Variants in JAKMIP1 observed in about 807,000 individuals in gnomAD.
The protein encoded by JAKMIP1 is janus kinase and microtubule interacting protein 1.
In JAKMIP1, 33 loss-of-function variants were observed where a neutral mutation model predicts 113.0. The ratio of observed to expected loss-of-function variants is 0.29; its 90% confidence interval spans 0.22 to 0.39. The LOEUF (loss-of-function observed/expected upper bound fraction) is 0.39. JAKMIP1 is among the 10% of genes least tolerant of loss of function. The pLI is 1.00. For synonymous variants in JAKMIP1, 480 were observed against 459.9 expected, an observed-to-expected ratio of 1.04 and a Z score of -0.56; for missense variants, 813 against 1,080.5, an observed-to-expected ratio of 0.75 and a Z score of 3.47.
chr4:6,131,231 A>G (rs1718476781), intron 1 of JAKMIP1, among the ~76,000 whole-genome samples: 1 of 151,614 alleles, frequency 6.6e-6, no homozygotes, highest in Non-Finnish European at 1.5e-5. Flanking sequence ...TAAAAAAAAG[A>G]ATAACAGGAT....
Position 6,183,485 on chromosome 4 carries a change from T to TAAATAAATAAATAAATAAATA in JAKMIP1, c.-148+16747_-148+16767dup, listed in dbSNP as rs1726286007. Among the ~76,000 whole-genome samples the TAAATAAATAAATAAATAAATA allele has an allele frequency of 2.0e-5, 3 of 148,708 alleles. No homozygotes were observed. Among genetic ancestry groups the TAAATAAATAAATAAATAAATA allele is most frequent in the Admixed American group, 1.3e-4 (2 of 14,912 alleles). The stretch of plus-strand genomic sequence containing the variant: ...CAGAGCAAGACTCTGTCTCAATAAA[T>TAAATAAATAAATAAATAAATA]AAATAAATAAATAAATAAATAAATT... On this transcript the variant is annotated intron_variant, in intron 1 of 20. Coordinates refer to ENST00000409021, the MANE Select transcript of JAKMIP1 (RefSeq NM_001099433.2). This position sits in a 1 kb window ranked among gnomAD's most constrained non-coding sequence, Gnocchi z 5.3.
At chr4:6,126,298 C>T (rs567241145) in intron 1 of JAKMIP1, among the ~76,000 whole-genome samples, 3 of 122,778 alleles carry the variant, frequency 2.4e-5, no homozygotes, top group African/African-American at 9.2e-5. Context: ...ACACACACAC[C>T]ATACAGAAAC....
At chr4:6,053,641 T>G (rs1715956271) in intron 13 of JAKMIP1, 1 of 271,638 alleles carries the variant, frequency 3.7e-6, no homozygotes. Context: ...CTTAAAAAGG[T>G]GTGTTATTAA....
In JAKMIP1 at chr4:6,060,495, G is replaced by A; in HGVS notation, c.1573C>T (p.Leu525=). 1 of 1,613,722 alleles carries A rather than the reference G, an allele frequency of 6.2e-7. No homozygotes were observed. The highest frequency in any genetic ancestry group is 2.2e-5 in the East Asian group (1 of 44,878). The part of the protein sequence containing the change: ...AEREARTREQ[L]QADLLRCQAK... Reference sequence around the variant, plus strand: ...TGACACCTCAGCAGATCAGCTTGTAGCTGCTCCCGAGTCTGGAAGGGAAAA... The same window carrying A: ...TGACACCTCAGCAGATCAGCTTGTAACTGCTCCCGAGTCTGGAAGGGAAAA... Residue 525 remains leucine, a synonymous_variant, in exon 11 of 21, where the codon CTA becomes TTA. Transcript: ENST00000409021.
At chr4:6,053,794 C>T (rs1715978253) in intron 13 of JAKMIP1, 3 of 1,273,358 alleles carry the variant, frequency 2.4e-6, no homozygotes, top group South Asian at 6.3e-5. Flanking sequence ...GCAAAACAAG[C>T]CATAGGCAAT....
At chr4:6,045,642 G>T (rs1446768525) in intron 16 of JAKMIP1, among the ~76,000 whole-genome samples, 1 of 152,224 alleles carries the variant, frequency 6.6e-6, no homozygotes, top group African/African-American at 2.4e-5. Context: ...GGAGGCCAAG[G>T]CGGGTAGATC....
intron 1 of JAKMIP1, among the ~76,000 whole-genome samples, chr4:6,119,575 A>C (rs1000593765): frequency 7.9e-5 from 12 of 151,974 alleles, no homozygotes; most frequent in East Asian, 5.8e-4. Flanking sequence ...AACAACAAAA[A>C]AAAACCACTC....
At chr4:6,073,584 G>A (rs1719282117) in intron 8 of JAKMIP1, among the ~76,000 whole-genome samples, 1 of 152,206 alleles carries the variant, frequency 6.6e-6, no homozygotes, top group South Asian at 2.1e-4. Context: ...CCCTCCAAAG[G>A]AAAGTTATTG....
intron 1 of JAKMIP1, among the ~76,000 whole-genome samples, chr4:6,117,709 A>T (rs1387273947): frequency 6.6e-6 from 1 of 151,910 alleles, no homozygotes; most frequent in Admixed American, 6.6e-5. Context: ...TCTTGACCAT[A>T]AGAGACAGGT....
Position 6,064,992 on chromosome 4 carries a change from G to C in JAKMIP1, c.1319C>G (p.Thr440Arg). ...AGACTCCTCATCAAATCCAAAAAAT[G>C]TCTCCACAACATGCTTCTGTAAAAC... ...LKPPKKHVVE[T>R]FFGFDEESVD... The change falls in exon 9 of 21, where the codon ACA (threonine) becomes AGA (arginine). Residue 440 changes from threonine (T) to arginine (R), a missense_variant. Transcript: ENST00000409021. The surrounding 1 kb of genome is among the most constrained non-coding windows in gnomAD (Gnocchi z 4.3). 6.2e-7 allele frequency: 1 copy of C among 1,614,182 alleles called. No individual in the cohort carries two copies. The highest frequency in any genetic ancestry group is 8.5e-7 in the Non-Finnish European group (1 of 1,180,042).
Position 6,065,331 on chromosome 4 carries a change from C to A in JAKMIP1, c.1303-323G>T, listed in dbSNP as rs940558139. 1.3e-5 allele frequency among the ~76,000 whole-genome samples: 2 copies of A among 152,234 alleles called. No homozygotes were observed. The highest frequency in any genetic ancestry group is 4.8e-5 in the African/African-American group (2 of 41,456). ...TCTAGCAAATGGATTGAGAAGCCACCTCACCTGTGAGCACAAAAGGGGGCC... is the reference window on the plus strand; with the variant it reads ...TCTAGCAAATGGATTGAGAAGCCACATCACCTGTGAGCACAAAAGGGGGCC... On this transcript the variant is annotated intron_variant, in intron 8 of 20. Coordinates refer to ENST00000409021, the MANE Select transcript of JAKMIP1 (RefSeq NM_001099433.2). This position sits in a 1 kb window ranked among gnomAD's most constrained non-coding sequence, Gnocchi z 5.1.
In JAKMIP1 at chr4:6,036,000, A is replaced by G. The variant is rs1193307760; in HGVS notation, c.2283T>C (p.Ala761=). The change falls in exon 19 of 21, where the codon GCT becomes GCC. Residue 761 remains alanine, a synonymous_variant. Coordinates refer to ENST00000409021, the MANE Select transcript of JAKMIP1 (RefSeq NM_001099433.2). Reference sequence around the variant, plus strand: ...GGATCTGCCTGCGCACCTTTTCCACAGCAGCCTGCAGGTCCTCCCGCTGGC... The same window carrying G: ...GGATCTGCCTGCGCACCTTTTCCACGGCAGCCTGCAGGTCCTCCCGCTGGC... The part of the protein sequence containing the change: ...SEGQREDLQA[A]VEKVRRQILR... 1.3e-6 allele frequency: 2 copies of G among 1,551,792 alleles called. No homozygotes were observed. The highest frequency in any genetic ancestry group is 1.7e-6 in the Non-Finnish European group (2 of 1,147,100).
In JAKMIP1 at chr4:6,193,747, A is replaced by G. The variant is rs1316403855; in HGVS notation, c.-148+6506T>C. On this transcript the variant is annotated intron_variant, in intron 1 of 20. Transcript: ENST00000409021. This position sits in a 1 kb window ranked among gnomAD's most constrained non-coding sequence, Gnocchi z 6.4. ...GGGAGCCCCCAGCACGATGCTGATC[A>G]TGGGAGGCTGAACTGATGCATTAGT... Among the ~76,000 whole-genome samples, 1 of 152,184 alleles carries G rather than the reference A, an allele frequency of 6.6e-6. No individual in the cohort carries two copies. Among genetic ancestry groups the G allele is most frequent in the Non-Finnish European group, 1.5e-5 (1 of 68,040 alleles).
At chr4:6,034,547 A>C (rs988205388) in intron 19 of JAKMIP1, among the ~76,000 whole-genome samples, 3 of 152,204 alleles carry the variant, frequency 2.0e-5, no homozygotes, top group Non-Finnish European at 4.4e-5. Flanking sequence ...CACTCTTATA[A>C]TCACAGCACT....
At chr4:6,177,611 C>T (rs1725507934) in intron 1 of JAKMIP1, among the ~76,000 whole-genome samples, 1 of 152,170 alleles carries the variant, frequency 6.6e-6, no homozygotes, top group African/African-American at 2.4e-5. Context: ...ACTTCTCTGT[C>T]CTGAGGCTGT....
chr4:6,053,002 CA>C (rs1330100378), intron 13 of JAKMIP1, among the ~76,000 whole-genome samples: 3 of 152,152 alleles, frequency 2.0e-5, no homozygotes, highest in Non-Finnish European at 4.4e-5. Context: ...CAGGAGAAAA[CA>C]AAATTGGGGA....
In JAKMIP1 at chr4:6,029,900, C is replaced by T. The variant is rs997264087; in HGVS notation, c.2380-119G>A. 4.3e-5 allele frequency: 31 copies of T among 721,162 alleles called. No homozygotes were observed. The Admixed American group carries it at 5.3e-4, about 12-fold the overall frequency. 44.7% of individuals were successfully genotyped at this position (721,162 alleles called of 1,614,324 possible). A position where few individuals can be genotyped will look rare whatever the true frequency, so the allele number is the denominator to read the frequency against. On this transcript the variant is annotated intron_variant, in intron 19 of 20. Transcript: ENST00000409021. Reference sequence around the variant, plus strand: ...TAAAGGATACCAACACTGTGGGCAGCCTGATGAGCTCTGATACATGCACAA... The same window carrying T: ...TAAAGGATACCAACACTGTGGGCAGTCTGATGAGCTCTGATACATGCACAA...
At chr4:6,118,638 C>G (rs904310035) in intron 1 of JAKMIP1, among the ~76,000 whole-genome samples, 4 of 152,060 alleles carry the variant, frequency 2.6e-5, no homozygotes, top group African/African-American at 9.7e-5. Flanking sequence ...TCTTAGGCCT[C>G]CTGCAAAATT....
intron 12 of JAKMIP1, 53 bp from the exon 13 acceptor site, chr4:6,054,201 C>G: frequency 6.3e-7 from 1 of 1,584,978 alleles, no homozygotes; most frequent in African/African-American, 1.3e-5. Context: ...ACTGGGGTCC[C>G]CTGGTCACAG....
Sources: allele counts gnomAD v4.1 joint callset (sites outside exome capture counted in the v4.1 genomes callset), GRCh38; gene constraint gnomAD v4.1.1; non-coding constraint Gnocchi (gnomAD v3.1); transcripts MANE v1.5; gene names NCBI Gene and HGNC (gene_info 2026-07-23, HGNC 2026-07-21).